Variants in TMTC2 observed in about 807,000 individuals in gnomAD.
TMTC2 encodes the protein protein O-mannosyl-transferase TMTC2.
In TMTC2, 43 loss-of-function variants were observed where a neutral mutation model predicts 82.4. The ratio of observed to expected loss-of-function variants is 0.52; its 90% CI spans 0.41 to 0.67. TMTC2 has a LOEUF of 0.67. Ranked by LOEUF, TMTC2 falls within the 30% of genes least tolerant of loss-of-function variation. The pLI is 0.00. For missense variants in TMTC2, 919 were observed against 1,012.4 expected (o/e 0.91, Z 1.25); for synonymous variants, 408 against 381.9 (o/e 1.07, Z -0.80).
At chr12:83,127,544 G>A (rs1285100288) in intron 11 of TMTC2, among the ~76,000 whole-genome samples, 1 of 152,098 alleles carries the variant, frequency 6.6e-6, no homozygotes, top group Non-Finnish European at 1.5e-5. Context: ...GACCCACTCA[G>A]TTCGTCTTTT....
intron 11 of TMTC2, among the ~76,000 whole-genome samples, chr12:83,102,127 A>G (rs911716903): frequency 2.0e-5 from 3 of 152,232 alleles, no homozygotes; most frequent in Non-Finnish European, 2.9e-5. Flanking sequence ...AGGTGCAAAT[A>G]TGCCTGGGAA....
intron 1 of TMTC2, among the ~76,000 whole-genome samples, chr12:82,778,012 A>AT (rs1341080954): frequency 1.3e-5 from 2 of 151,834 alleles, no homozygotes; most frequent in African/African-American, 4.8e-5. Flanking sequence ...ATTATGAAAC[A>AT]TTTTTTCACC....
At chr12:82,694,675 C>G (rs1029699892) in intron 1 of TMTC2, among the ~76,000 whole-genome samples, 2 of 151,884 alleles carry the variant, frequency 1.3e-5, no homozygotes, top group African/African-American at 4.8e-5. Context: ...CAGCTGTGTG[C>G]TAGGTATTAT....
At chr12:82,764,869 G>T (rs1876858172) in intron 1 of TMTC2, among the ~76,000 whole-genome samples, 1 of 148,034 alleles carries the variant, frequency 6.8e-6, no homozygotes. Context: ...AGATGACATA[G>T]ACAAATAGGG....
chr12:82,782,289 T>C (rs1477229767), intron 1 of TMTC2, among the ~76,000 whole-genome samples: 1 of 152,126 alleles, frequency 6.6e-6, no homozygotes, highest in Non-Finnish European at 1.5e-5. Context: ...GAAATATTTA[T>C]ATTATGTTTA....
chr12:82,750,571 G>A (rs1396269609), intron 1 of TMTC2, among the ~76,000 whole-genome samples: 1 of 152,126 alleles, frequency 6.6e-6, no homozygotes, highest in East Asian at 1.9e-4. Flanking sequence ...CTAACGGTAA[G>A]TGCTTTGTAT....
chr12:83,013,180 G>T (rs76217382), intron 8 of TMTC2, among the ~76,000 whole-genome samples: 6,465 of 152,046 alleles, frequency 0.043, 162 homozygotes, highest in South Asian at 0.067. Context: ...AGACATTTGA[G>T]AAATCTTTAT....
At chr12:82,768,469 C>T (rs77231393) in intron 1 of TMTC2, among the ~76,000 whole-genome samples, 5,057 of 152,220 alleles carry the variant, frequency 0.033, 273 homozygotes, top group African/African-American at 0.11. Context: ...AAATAGTGTG[C>T]GTCCCATCTT....
chr12:82,922,776 A>G (rs1355032193), intron 3 of TMTC2, among the ~76,000 whole-genome samples: 1 of 152,172 alleles, frequency 6.6e-6, no homozygotes, highest in African/African-American at 2.4e-5. Flanking sequence ...TGTTATGACA[A>G]TGCATTCCTT....
intron 1 of TMTC2, among the ~76,000 whole-genome samples, chr12:82,756,275 T>C (rs924939125): frequency 6.6e-6 from 1 of 152,346 alleles, no homozygotes; most frequent in African/African-American, 2.4e-5. Context: ...TCAATAATGA[T>C]TTGAAATTTT....
intron 9 of TMTC2, among the ~76,000 whole-genome samples, chr12:83,045,849 T>A (rs1455454860): frequency 1.3e-5 from 2 of 151,962 alleles, no homozygotes; most frequent in Non-Finnish European, 2.9e-5. Flanking sequence ...GAAAGCTGGT[T>A]CCTAATAGAC....
chr12:83,105,598 G>A (rs965819783), intron 11 of TMTC2, among the ~76,000 whole-genome samples: 1 of 152,050 alleles, frequency 6.6e-6, no homozygotes, highest in Non-Finnish European at 1.5e-5. Flanking sequence ...GATCTTGCAA[G>A]TACTCACTAT....
chr12:82,825,878 A>T lies in TMTC2; in HGVS notation c.84-31132A>T, dbSNP rs560332707. On this transcript the variant is annotated intron_variant, in intron 1 of 11. Coordinates refer to ENST00000321196, the MANE Select transcript of TMTC2 (RefSeq NM_152588.3). The stretch of plus-strand genomic sequence containing the variant: ...AGCACACACACACACACACACACAC[A>T]CTCTCACACAGTGTCAGATTGCTGG... Among the ~76,000 whole-genome samples the T allele has an allele frequency of 6.6e-5, 10 of 151,814 alleles. No individual in the cohort carries two copies. The South Asian group carries it at 8.3e-4, about 13-fold the overall frequency.
chr12:82,759,962 C>T (rs1317412235), intron 1 of TMTC2: 3 of 152,152 alleles, frequency 2.0e-5, no homozygotes, highest in African/African-American at 7.2e-5. Context: ...CCTCGATAGC[C>T]TGATTTTTAC....
intron 1 of TMTC2, among the ~76,000 whole-genome samples, chr12:82,697,356 G>GAA (rs1237151345): frequency 7.2e-6 from 1 of 138,596 alleles, no homozygotes. Context: ...AAAAAAAAAG[G>GAA]AAAAAAAAAC....
At chr12:82,704,637 CT>C (rs374339612) in intron 1 of TMTC2, among the ~76,000 whole-genome samples, 10,134 of 141,304 alleles carry the variant, frequency 0.072, 408 homozygotes, top group South Asian at 0.12. Flanking sequence ...ACTAATGAAT[CT>C]TTTTTTTTTT....
chr12:82,970,390 G>A (rs542900990), intron 7 of TMTC2, among the ~76,000 whole-genome samples: 2 of 152,300 alleles, frequency 1.3e-5, no homozygotes, highest in East Asian at 3.9e-4. Context: ...GGACTGCAGT[G>A]GCGCAATCTC....
At chr12:82,872,005 A>ACCCCCCCCCCCCCCCCCCC (rs61305687) in intron 2 of TMTC2, among the ~76,000 whole-genome samples, 1 of 95,694 alleles carries the variant, frequency 1.0e-5, no homozygotes, top group Admixed American at 1.3e-4. Flanking sequence ...GTTGAACAAC[A>ACCCCCCCCCCCCCCCCCCC]CCCCCCCCCC....
intron 9 of TMTC2, among the ~76,000 whole-genome samples, chr12:83,031,668 A>T (rs1296812387): frequency 6.6e-6 from 1 of 152,226 alleles, no homozygotes; most frequent in Non-Finnish European, 1.5e-5. Flanking sequence ...AGTAAACTTA[A>T]AAGTGGACAG....
Sources: allele counts gnomAD v4.1 joint callset (sites outside exome capture counted in the v4.1 genomes callset), GRCh38; gene constraint gnomAD v4.1.1; transcripts MANE v1.5; gene names NCBI Gene and HGNC (gene_info 2026-07-23, HGNC 2026-07-21).